Variants in WNT9B observed in about 807,000 individuals in gnomAD.
The protein encoded by WNT9B is protein Wnt-9b.
Under a neutral mutation model 30.2 loss-of-function variants are expected in WNT9B, and 12 were observed. That is an observed-to-expected ratio of 0.40 (90% CI 0.26 to 0.64). The LOEUF (loss-of-function observed/expected upper bound fraction) is 0.64. WNT9B is among the 30% of genes least tolerant of loss of function. The probability of loss-of-function intolerance (pLI) is 0.42; values close to 1 mark genes in which losing one functional copy is unlikely to be tolerated. For missense variants in WNT9B, 442 were observed against 485.2 expected (o/e 0.91, Z 0.84); for synonymous variants, 218 against 216.9 (o/e 1.01, Z -0.05).
chr17:46,855,296 T>C (rs1381223256), intron 1 of WNT9B, among the ~76,000 whole-genome samples: 1 of 152,240 alleles, frequency 6.6e-6, no homozygotes, highest in Non-Finnish European at 1.5e-5. Context: ...TGTAGTGAGA[T>C]GGATAAGGCC....
At chr17:46,853,861 G>C (rs1204841784) in intron 1 of WNT9B, among the ~76,000 whole-genome samples, 1 of 152,154 alleles carries the variant, frequency 6.6e-6, no homozygotes, top group East Asian at 1.9e-4. Context: ...TGAGAGGAGA[G>C]GGGTTCCAGG....
chr17:46,858,707 C>T lies in WNT9B; in HGVS notation c.77+6992C>T, dbSNP rs184981234. ...GTAGGATGGGTGTAAATAGTTCTCA[C>T]AAGGAAACTAAATGTGTTACACAAT... On this transcript the variant is annotated intron_variant, in intron 1 of 3. Transcript: ENST00000290015. 3.1e-3 allele frequency among the ~76,000 whole-genome samples: 470 copies of T among 152,312 alleles called. 1 individual carries two copies. The highest frequency in any genetic ancestry group is 4.9e-3 in the Non-Finnish European group (334 of 68,034).
intron 1 of WNT9B, among the ~76,000 whole-genome samples, chr17:46,837,790 G>C (rs1042871728): frequency 7.9e-5 from 12 of 152,170 alleles, no homozygotes; most frequent in Non-Finnish European, 1.2e-4. Flanking sequence ...ATGCCTTCAG[G>C]GCTGATATGC....
downstream of WNT9B, among the ~76,000 whole-genome samples, chr17:46,883,135 C>G (rs565745537): frequency 6.6e-6 from 1 of 151,934 alleles, no homozygotes; most frequent in South Asian, 2.1e-4. Flanking sequence ...CCCGCCACCA[C>G]GCCCGGCTAA....
intron 1 of WNT9B, among the ~76,000 whole-genome samples, chr17:46,853,292 A>G (rs2084884914): frequency 6.8e-6 from 1 of 147,838 alleles, no homozygotes; most frequent in Non-Finnish European, 1.5e-5. Flanking sequence ...TTATAAGAAG[A>G]TTGAGCTAGT....
rs1399775696 is a variant in WNT9B at position 46,851,822 on chromosome 17, G to A, written c.77+107G>A. 5.5e-6 allele frequency: 3 copies of A among 544,170 alleles called. No homozygotes were observed. In the African/African-American group the frequency reaches 5.9e-5, roughly 11 times the overall value. The allele number at this position is 544,170 out of a possible 1,614,324, so 33.7% of individuals were successfully genotyped here. The stretch of plus-strand genomic sequence containing the variant: ...TCCCGCTGTCCTTGGCCCCGCCGAG[G>A]TCTCGAACTCAGACCCTAGCCCGGC... On this transcript the variant is annotated intron_variant, in intron 1 of 3. Coordinates refer to ENST00000290015, the MANE Select transcript of WNT9B (RefSeq NM_003396.3). This position sits in a 1 kb window ranked among gnomAD's most constrained non-coding sequence, Gnocchi z 4.3.
upstream of WNT9B, chr17:46,851,555 T>G: frequency 1.3e-6 from 1 of 750,834 alleles, no homozygotes; most frequent in Non-Finnish European, 1.8e-6. This position sits in a 1 kb window ranked among gnomAD's most constrained non-coding sequence, Gnocchi z 4.3. Context: ...CCACCCGGGT[T>G]TAAAGTCCCG....
chr17:46,854,171 G>A (rs1175945411), intron 1 of WNT9B, among the ~76,000 whole-genome samples: 1 of 152,110 alleles, frequency 6.6e-6, no homozygotes, highest in Non-Finnish European at 1.5e-5. Context: ...TGGTCTCAGG[G>A]AACAGACAGG....
At chr17:46,871,775 T>C (rs1195461755) in intron 1 of WNT9B, among the ~76,000 whole-genome samples, 3 of 152,214 alleles carry the variant, frequency 2.0e-5, no homozygotes, top group African/African-American at 7.2e-5. Flanking sequence ...CTGGGATTGA[T>C]GGCCTGATGG....
intron 1 of WNT9B, among the ~76,000 whole-genome samples, chr17:46,836,839 C>G (rs551107213): frequency 4.6e-5 from 7 of 152,156 alleles, no homozygotes; most frequent in South Asian, 2.1e-4. Flanking sequence ...TTTTAAAAAG[C>G]TAGATGTGTG....
At chr17:46,863,093 A>C (rs968889634) in intron 1 of WNT9B, among the ~76,000 whole-genome samples, 1 of 142,530 alleles carries the variant, frequency 7.0e-6, no homozygotes, top group Non-Finnish European at 1.5e-5. Flanking sequence ...AGCATACGCC[A>C]GCAATCAGTC....
At chr17:46,855,688 C>T (rs2084926536) in intron 1 of WNT9B, among the ~76,000 whole-genome samples, 1 of 152,186 alleles carries the variant, frequency 6.6e-6, no homozygotes, top group Admixed American at 6.5e-5. Context: ...GCCCAGTTAC[C>T]CAATCCAGTC....
chr17:46,836,965 CAG>C (rs1455817854), intron 1 of WNT9B, among the ~76,000 whole-genome samples: 2 of 152,004 alleles, frequency 1.3e-5, no homozygotes, highest in Admixed American at 1.3e-4. Context: ...TTTTTTGAGA[CAG>C]AGTCTCGCTC....
chr17:46,875,164 G>C lies in WNT9B; in HGVS notation c.398G>C (p.Arg133Pro). The change falls in exon 3 of 4, where the codon CGG becomes CCG. Residue 133 changes from arginine to proline, a missense_variant. By Grantham distance (103) the Arg-to-Pro change is moderately radical. Transcript: ENST00000290015. ...GCCGCCCTCACCCACACCCTGGCCC[G>C]GGCCTGCAGCGCTGGGCGCATGGAG... ...SSAALTHTLARACSAGRMERC... is the reference protein window; with the variant it reads ...SSAALTHTLAPACSAGRMERC... 6.2e-7 allele frequency: 1 copy of C among 1,614,002 alleles called. No homozygotes were observed. The highest frequency in any genetic ancestry group is 8.5e-7 in the Non-Finnish European group (1 of 1,180,036).
chr17:46,870,904 C>CTTTTTT (rs144277402), intron 1 of WNT9B, among the ~76,000 whole-genome samples: 37 of 78,362 alleles, frequency 4.7e-4, no homozygotes, highest in East Asian at 1.8e-3. Flanking sequence ...TCCACCTTTG[C>CTTTTTT]TTTTTTTTTT....
chr17:46,876,622 G>A lies in WNT9B; in HGVS notation c.978G>A (p.Leu326=), dbSNP rs1242667549. Residue 326 remains leucine, a synonymous_variant, in exon 4 of 4, where the codon CTG becomes CTA. Transcript: ENST00000290015. ...GGGGCTATGACACCCAGAGCCGCCT[G>A]GTGGCCTTCTCCTGCCACTGCCAGG... ...CGRGYDTQSR[L]VAFSCHCQVQ... 1 of 1,611,140 alleles carries A rather than the reference G, an allele frequency of 6.2e-7. No homozygotes were observed. The highest frequency in any genetic ancestry group is 1.7e-5 in the Admixed American group (1 of 59,960).
chr17:46,861,772 G>A (rs1315934587), intron 1 of WNT9B, among the ~76,000 whole-genome samples: 1 of 152,246 alleles, frequency 6.6e-6, no homozygotes, highest in African/African-American at 2.4e-5. Context: ...AAACTTCCAA[G>A]AGGCTGGTTT....
At chr17:46,883,451 ATTT>A (rs1294338017), downstream of WNT9B, among the ~76,000 whole-genome samples, 8 of 144,964 alleles carry the variant, frequency 5.5e-5, no homozygotes, top group Non-Finnish European at 9.1e-5. Flanking sequence ...GCCCGGCCTT[ATTT>A]TTGTATTTTT....
intron 1 of WNT9B, among the ~76,000 whole-genome samples, chr17:46,861,239 C>T (rs553759302): frequency 1.3e-5 from 2 of 152,348 alleles, no homozygotes; most frequent in South Asian, 2.1e-4. Context: ...ACTCTTGGCT[C>T]ATTAGCTAAT....
Sources: allele counts gnomAD v4.1 joint callset (sites outside exome capture counted in the v4.1 genomes callset), GRCh38; gene constraint gnomAD v4.1.1; non-coding constraint Gnocchi (gnomAD v3.1); transcripts MANE v1.5; gene names NCBI Gene and HGNC (gene_info 2026-07-23, HGNC 2026-07-21).